ARID1B: variants seen among roughly 807,000 people sequenced by gnomAD.
The protein encoded by ARID1B is AT-rich interactive domain-containing protein 1B.
A neutral mutation model predicts 212.3 loss-of-function variants in ARID1B; 30 were observed. The observed-to-expected ratio is 0.14, with a 90% CI of 0.11 to 0.19. The LOEUF (loss-of-function observed/expected upper bound fraction) is 0.19. ARID1B is among the 10% of genes least tolerant of loss of function. ARID1B has a pLI of 1.00. For synonymous variants in ARID1B, 1,402 were observed against 1,301.7 expected, an observed-to-expected ratio of 1.08 and a Z score of -1.66; for missense variants, 2,891 against 3,204.0, an observed-to-expected ratio of 0.90 and a Z score of 2.36.
intron 3 of ARID1B, chr6:156,901,746 T>C: frequency 3.3e-6 from 2 of 613,444 alleles, no homozygotes; most frequent in Non-Finnish European, 5.5e-6. Context: ...AATAGCTGCT[T>C]GCATTACTGG....
At chr6:156,885,478 A>G (rs1193586637) in intron 2 of ARID1B, among the ~76,000 whole-genome samples, 1 of 152,186 alleles carries the variant, frequency 6.6e-6, no homozygotes, top group Admixed American at 6.5e-5. Context: ...TTCTACCTTC[A>G]GTAAGTCCTC....
At chr6:157,161,287 C>T (rs1481673260) in intron 8 of ARID1B, among the ~76,000 whole-genome samples, 1 of 152,106 alleles carries the variant, frequency 6.6e-6, no homozygotes, top group Non-Finnish European at 1.5e-5. Context: ...TGATTCCTAG[C>T]CAGAGCCACT....
intron 7 of ARID1B, among the ~76,000 whole-genome samples, chr6:157,141,456 C>A (rs1176575146): frequency 1.3e-5 from 2 of 151,820 alleles, no homozygotes; most frequent in Admixed American, 6.6e-5. Context: ...AAAACAAATT[C>A]TCTCTATTTA....
At chr6:157,137,293 TA>T (rs1394193148) in intron 7 of ARID1B, among the ~76,000 whole-genome samples, 1 of 152,224 alleles carries the variant, frequency 6.6e-6, no homozygotes, top group African/African-American at 2.4e-5. Flanking sequence ...TATAAATGTG[TA>T]AAAATACTTA....
intron 4 of ARID1B, chr6:157,071,398 C>A (rs1231941572): frequency 6.6e-6 from 1 of 152,162 alleles, no homozygotes; most frequent in South Asian, 2.1e-4. Context: ...GATACTCTTT[C>A]CTCTCCATTT....
chr6:157,075,301 A>T (rs988887729), intron 4 of ARID1B, among the ~76,000 whole-genome samples: 1 of 152,252 alleles, frequency 6.6e-6, no homozygotes, highest in Non-Finnish European at 1.5e-5. Context: ...TAGTCTCCAT[A>T]AAACATTTCC....
intron 1 of ARID1B, among the ~76,000 whole-genome samples, chr6:156,810,350 A>G (rs888090444): frequency 5.3e-5 from 8 of 152,150 alleles, no homozygotes; most frequent in Admixed American, 1.3e-4. Flanking sequence ...CCATTTACCA[A>G]AGATCCACCT....
At chr6:156,813,174 GCTCACTGCAACCTCTGC>G (rs1781730912) in intron 1 of ARID1B, among the ~76,000 whole-genome samples, 1 of 149,610 alleles carries the variant, frequency 6.7e-6, no homozygotes, top group African/African-American at 2.5e-5. Context: ...CACCATCTTG[GCTCACTGCAACCTCTGC>G]CACCCAGGTT....
chr6:157,050,110 G>A (rs139062153), intron 4 of ARID1B, among the ~76,000 whole-genome samples: 52 of 152,272 alleles, frequency 3.4e-4, no homozygotes, highest in African/African-American at 1.2e-3. Context: ...ACCTCACTGA[G>A]GGTCTTCCAT....
intron 3 of ARID1B, among the ~76,000 whole-genome samples, chr6:156,910,330 A>G (rs1250089116): frequency 6.6e-6 from 1 of 152,206 alleles, no homozygotes; most frequent in Admixed American, 6.5e-5. Flanking sequence ...CTACCTCTGC[A>G]TATCAAGTTC....
At chr6:156,866,450 G>A (rs1280950817) in intron 2 of ARID1B, among the ~76,000 whole-genome samples, 1 of 152,188 alleles carries the variant, frequency 6.6e-6, no homozygotes, top group Non-Finnish European at 1.5e-5. Flanking sequence ...GGTTGGGTAA[G>A]TTAGTTACTA....
chr6:157,062,516 A>T (rs1783404703), intron 4 of ARID1B, among the ~76,000 whole-genome samples: 1 of 151,736 alleles, frequency 6.6e-6, no homozygotes, highest in Non-Finnish European at 1.5e-5. Context: ...CCTTTTGTTA[A>T]TTGCTGTAGA....
chr6:157,079,675 T>A lies in ARID1B; in HGVS notation c.2248-4987T>A, dbSNP rs144813089. ...TTCAGTAGAGCATTTATGGTAAATA[T>A]TTAGAAATATTTGCATGTGCTGGAT... is the stretch of plus-strand genomic sequence containing the variant. On this transcript the variant is annotated intron_variant, in intron 4 of 19. Transcript: ENST00000636930. Among the ~76,000 whole-genome samples, 36 of 152,308 alleles carry A rather than the reference T, an allele frequency of 2.4e-4. No individual in the cohort carries two copies. The East Asian group carries it at 6.4e-3, about 27-fold the overall frequency.
At chr6:156,838,562 G>T (rs1477755056) in intron 2 of ARID1B, among the ~76,000 whole-genome samples, 1 of 152,056 alleles carries the variant, frequency 6.6e-6, no homozygotes, top group Admixed American at 6.6e-5. Context: ...GAAGCCTGTC[G>T]GTGGGAATGG....
In ARID1B at chr6:157,067,881, G is replaced by A. The variant is rs147403866; in HGVS notation, c.2248-16781G>A. Among the ~76,000 whole-genome samples, 1,227 of 152,226 alleles carry A rather than the reference G, an allele frequency of 8.1e-3. 16 individuals are homozygous for A. Among genetic ancestry groups the A allele is most frequent in the African/African-American group, 0.026 (1,097 of 41,528 alleles). ...CATGGTCAGCTTCTCCATAGGTGGA[G>A]TTAATTCCACAGTCAACAATTCTCA... On this transcript the variant is annotated intron_variant, in intron 4 of 19. Transcript: ENST00000636930.
chr6:157,090,420 T>G (rs1785205194), intron 5 of ARID1B, among the ~76,000 whole-genome samples: 1 of 152,228 alleles, frequency 6.6e-6, no homozygotes, highest in Non-Finnish European at 1.5e-5. Context: ...GTATTTGTAC[T>G]AAGTCCAGTG....
At chr6:157,077,591 G>C (rs1784386985) in intron 4 of ARID1B, among the ~76,000 whole-genome samples, 1 of 152,110 alleles carries the variant, frequency 6.6e-6, no homozygotes, top group Admixed American at 6.5e-5. Context: ...CTTCCCACCA[G>C]CTGTCCTAGA....
At chr6:156,910,935 A>G (rs549950002) in intron 3 of ARID1B, among the ~76,000 whole-genome samples, 2 of 152,358 alleles carry the variant, frequency 1.3e-5, no homozygotes, top group Admixed American at 6.5e-5. Context: ...AAATTAGAAT[A>G]AGGCACTAAC....
intron 4 of ARID1B, among the ~76,000 whole-genome samples, chr6:157,046,923 G>T (rs921800832): frequency 1.3e-5 from 2 of 152,008 alleles, no homozygotes; most frequent in African/African-American, 4.8e-5. Context: ...CTTATTTTAG[G>T]CACTGTCTAG....
Sources: gnomAD v4.1 joint callset for allele counts (sites outside exome capture counted in the v4.1 genomes callset) on GRCh38, gnomAD v4.1.1 for gene constraint, MANE v1.5 for transcripts, NCBI Gene and HGNC (gene_info 2026-07-23, HGNC 2026-07-21) for gene names.